Variants in VPS26B observed in about 807,000 individuals in gnomAD.
The protein encoded by VPS26B is vacuolar protein sorting-associated protein 26B.
In VPS26B, 10 loss-of-function variants were observed where a neutral mutation model predicts 33.3. The ratio of observed to expected loss-of-function variants is 0.30; its 90% CI spans 0.19 to 0.51. The LOEUF is 0.51. Among genes scored for constraint, VPS26B ranks in the 20% least tolerant of loss-of-function variants. VPS26B has a pLI of 0.98. For synonymous variants in VPS26B, 190 were observed against 176.9 expected (o/e 1.07, Z -0.59); for missense variants, 317 against 452.7 (o/e 0.70, Z 2.72).
chr11:134,242,767 C>T (rs918203114), intron 3 of VPS26B, among the ~76,000 whole-genome samples: 16 of 152,190 alleles, frequency 1.1e-4, no homozygotes, highest in Admixed American at 6.5e-4. Context: ...CTGGTCCCTG[C>T]GCTTGTGGGA....
intron 1 of VPS26B, among the ~76,000 whole-genome samples, chr11:134,231,592 T>G: frequency 6.8e-6 from 1 of 146,436 alleles, no homozygotes. Flanking sequence ...TGAGACGGAG[T>G]CTTGCTCTGT....
chr11:134,244,817 A>G lies in VPS26B; in HGVS notation c.722-121A>G, dbSNP rs946684157. ...GGCAGCAGAGCGACTGCACCTTCCCAGAAGGCTGAAGTGCTCGTGTGCTGC... is the reference window on the plus strand; with the variant it reads ...GGCAGCAGAGCGACTGCACCTTCCCGGAAGGCTGAAGTGCTCGTGTGCTGC... On this transcript the variant is annotated intron_variant, in intron 4 of 5. Coordinates refer to ENST00000281187, the MANE Select transcript of VPS26B (RefSeq NM_052875.5). This position sits in a 1 kb window ranked among gnomAD's most constrained non-coding sequence, Gnocchi z 4.0. 4 of 1,373,238 alleles carry G rather than the reference A, an allele frequency of 2.9e-6. No individual in the cohort carries two copies. Among genetic ancestry groups the G allele is most frequent in the Admixed American group, 2.7e-5 (1 of 36,636 alleles). 85.1% of individuals were successfully genotyped at this position (1,373,238 alleles called of 1,614,324 possible). A position where few individuals can be genotyped will look rare whatever the true frequency, so the allele number is the denominator to read the frequency against.
At chr11:134,231,863 T>G (rs1938560363) in intron 1 of VPS26B, among the ~76,000 whole-genome samples, 1 of 152,156 alleles carries the variant, frequency 6.6e-6, no homozygotes, top group South Asian at 2.1e-4. Flanking sequence ...ACGCCTGGCC[T>G]TTGGAGGTCT....
chr11:134,230,742 G>C (rs1330955128), intron 1 of VPS26B, among the ~76,000 whole-genome samples: 3 of 152,250 alleles, frequency 2.0e-5, no homozygotes, highest in African/African-American at 7.2e-5. Context: ...CCACTGCTCA[G>C]ATGTGGCAGT....
At chr11:134,232,344 C>T (rs1352442784) in intron 1 of VPS26B, among the ~76,000 whole-genome samples, 1 of 152,214 alleles carries the variant, frequency 6.6e-6, no homozygotes, top group Non-Finnish European at 1.5e-5. Context: ...AAATAGGAAG[C>T]ATCGCTGTGT....
chr11:134,246,013 C>T lies in VPS26B; in HGVS notation c.*423C>T, dbSNP rs776842078. On this transcript the variant is annotated 3_prime_UTR_variant, in exon 6 of 6. Coordinates refer to ENST00000281187, the MANE Select transcript of VPS26B (RefSeq NM_052875.5). ...CCTGGGTAGTCACATCTTGTACTCC[C>T]CTTTGCTGTCCCGGAGGTAGTGGCA... 32 of 163,928 alleles carry T rather than the reference C, an allele frequency of 2.0e-4. No homozygotes were observed. The highest frequency in any genetic ancestry group is 2.7e-4 in the Non-Finnish European group (20 of 74,906). 10.2% of individuals were successfully genotyped at this position (163,928 alleles called of 1,614,324 possible).
chr11:134,226,262 T>C (rs1938468280), intron 1 of VPS26B, among the ~76,000 whole-genome samples: 1 of 151,964 alleles, frequency 6.6e-6, no homozygotes, highest in South Asian at 2.1e-4. Context: ...TGTAATTAGC[T>C]GGTCGTGGTG....
rs1343478294 is a variant in VPS26B, at chr11:134,240,302, G to A, written c.545+147G>A. ...GAAGACCGTGGGAGCAATCCAGTGAGTGTCTATGGCAGGCCAGCTGCAGCT... is the reference window on the plus strand; with the variant it reads ...GAAGACCGTGGGAGCAATCCAGTGAATGTCTATGGCAGGCCAGCTGCAGCT... On this transcript the variant is annotated intron_variant, in intron 3 of 5. Transcript: ENST00000281187. This position sits in a 1 kb window ranked among gnomAD's most constrained non-coding sequence, Gnocchi z 4.4. 3 of 882,788 alleles carry A rather than the reference G, an allele frequency of 3.4e-6. No homozygotes were observed. The highest frequency in any genetic ancestry group is 1.7e-5 in the African/African-American group (1 of 60,186). 54.7% of individuals were successfully genotyped at this position (882,788 alleles called of 1,614,324 possible). A position where few individuals can be genotyped will look rare whatever the true frequency, so the allele number is the denominator to read the frequency against.
In VPS26B at chr11:134,238,634, T is replaced by C. The variant is rs1146212; in HGVS notation, c.381-1357T>C. Among the ~76,000 whole-genome samples the C allele has an allele frequency of 3.9e-4, 59 of 152,318 alleles. 1 individual carries two copies. The South Asian group carries it at 7.5e-3, about 19-fold the overall frequency. On this transcript the variant is annotated intron_variant, in intron 2 of 5. Coordinates refer to ENST00000281187, the MANE Select transcript of VPS26B (RefSeq NM_052875.5). ...TTTTTTAGACGGAGTCTCGCTCTGT[T>C]GCCCAGGCTGGAGTGCAGTGGCTTG...
rs1938815920 is a variant in VPS26B, at chr11:134,246,179, C to T, written c.*589C>T. The T allele has an allele frequency of 6.5e-6, 1 of 153,658 alleles. No homozygotes were observed. The highest frequency in any genetic ancestry group is 1.4e-5 in the Non-Finnish European group (1 of 69,044). The allele number at this position is 153,658 out of a possible 1,614,324, so 9.5% of individuals were successfully genotyped here. On this transcript the variant is annotated 3_prime_UTR_variant, in exon 6 of 6. Transcript: ENST00000281187. The stretch of plus-strand genomic sequence containing the variant: ...ACTCACTGCTGGGACCCAGGCACCT[C>T]CCTTCTCCATCCTCTCTGGATTGTC...
chr11:134,245,773 C>T lies in VPS26B; in HGVS notation c.*183C>T, dbSNP rs1285069019. 2 of 807,832 alleles carry T rather than the reference C, an allele frequency of 2.5e-6. No individual in the cohort carries two copies. Among genetic ancestry groups the T allele is most frequent in the Non-Finnish European group, 1.9e-6 (1 of 529,910 alleles). 50.0% of individuals were successfully genotyped at this position (807,832 alleles called of 1,614,324 possible). ...AACCCAAGGGGCTTGGGGTGGGAAG[C>T]AGTCTCTCCTTGGGATTCTGCGGCC... On this transcript the variant is annotated 3_prime_UTR_variant, in exon 6 of 6. Coordinates refer to ENST00000281187, the MANE Select transcript of VPS26B (RefSeq NM_052875.5). This position sits in a 1 kb window ranked among gnomAD's most constrained non-coding sequence, Gnocchi z 4.7.
At chr11:134,241,174 C>T (rs1311112566) in intron 3 of VPS26B, among the ~76,000 whole-genome samples, 2 of 152,144 alleles carry the variant, frequency 1.3e-5, no homozygotes, top group East Asian at 3.8e-4. Flanking sequence ...ATTCTATTCA[C>T]AGAGAGCTAT....
chr11:134,233,244 T>G (rs1938582714), intron 1 of VPS26B, among the ~76,000 whole-genome samples: 2 of 152,204 alleles, frequency 1.3e-5, no homozygotes, highest in Non-Finnish European at 2.9e-5. Flanking sequence ...GACTCCAGTC[T>G]GTGGACTCGC....
Position 134,225,114 on chromosome 11 carries a change from G to A in VPS26B, c.-9G>A. On this transcript the variant is annotated 5_prime_UTR_variant, in exon 1 of 6. Transcript: ENST00000281187. ...GTCCTTACCGAGACCCGCCCGGCCC[G>A]GCGGTGCGATGAGCTTCTTCGGCTT... 1 of 1,594,800 alleles carries A rather than the reference G, an allele frequency of 6.3e-7. No homozygotes were observed. The highest frequency in any genetic ancestry group is 8.6e-7 in the Non-Finnish European group (1 of 1,168,916).
chr11:134,245,438 C>T lies in VPS26B; in HGVS notation c.865-6C>T, dbSNP rs749644388. On this transcript the variant is annotated splice_region_variant and splice_polypyrimidine_tract_variant and intron_variant, in intron 5 of 5. Transcript: ENST00000281187. This position sits in a 1 kb window ranked among gnomAD's most constrained non-coding sequence, Gnocchi z 4.7. ...GTGTCACATTGCCCCCCTTTCAATT[C>T]TGCAGGAAGTGGTGTTGTGGCGGAA... 1.9e-6 allele frequency: 3 copies of T among 1,613,850 alleles called. No homozygotes were observed. Among genetic ancestry groups the T allele is most frequent in the Non-Finnish European group, 2.5e-6 (3 of 1,179,860 alleles).
chr11:134,234,851 C>A, intron 1 of VPS26B, 46 bp from the exon 2 acceptor site: 1 of 1,598,450 alleles, frequency 6.3e-7, no homozygotes, highest in Non-Finnish European at 8.5e-7. Flanking sequence ...CCCGGTGTAG[C>A]TCAGGGTCTG....
At position 134,244,096 on chromosome 11, in the gene VPS26B, C is replaced by T. The variant is rs1938773837; in HGVS notation, c.721+802C>T. The T allele has an allele frequency of 6.6e-6, 1 of 152,168 alleles. No individual in the cohort carries two copies. The highest frequency in any genetic ancestry group is 1.5e-5 in the Non-Finnish European group (1 of 68,054). 9.4% of individuals were successfully genotyped at this position (152,168 alleles called of 1,614,324 possible). ...GACACGCGGGTGTTACCATGCCAGG[C>T]CCTTGGAGGGTTGGGACCAAGCTCT... On this transcript the variant is annotated intron_variant, in intron 4 of 5. Transcript: ENST00000281187. The surrounding 1 kb of genome is among the most constrained non-coding windows in gnomAD (Gnocchi z 4.0).
At chr11:134,238,699 C>G (rs1463698298) in intron 2 of VPS26B, among the ~76,000 whole-genome samples, 1 of 152,074 alleles carries the variant, frequency 6.6e-6, no homozygotes, top group African/African-American at 2.4e-5. Flanking sequence ...GGGTTCACGC[C>G]ATTCTCCTGC....
chr11:134,227,537 G>C (rs753434680), intron 1 of VPS26B, among the ~76,000 whole-genome samples: 3 of 152,168 alleles, frequency 2.0e-5, no homozygotes, highest in Non-Finnish European at 2.9e-5. Context: ...ACTGCTTGCT[G>C]TTCCTGCCCC....
Sources: gnomAD v4.1 joint callset for allele counts (sites outside exome capture counted in the v4.1 genomes callset) on GRCh38, gnomAD v4.1.1 for gene constraint, Gnocchi (gnomAD v3.1) non-coding constraint, MANE v1.5 for transcripts, NCBI Gene and HGNC (gene_info 2026-07-23, HGNC 2026-07-21) for gene names.